NXPH1: variants seen among roughly 807,000 people sequenced by gnomAD.
NXPH1 encodes the protein neurexophilin 1, also known as neurexophilin-1.
In NXPH1, 5 loss-of-function variants were observed where a neutral mutation model predicts 23.7. The ratio of observed to expected loss-of-function variants is 0.21; its 90% CI spans 0.11 to 0.44. The LOEUF (loss-of-function observed/expected upper bound fraction) is 0.44, where lower values mean the gene tolerates loss of function less well. Ranked by LOEUF, NXPH1 falls within the 20% of genes least tolerant of loss-of-function variation. The probability of loss-of-function intolerance (pLI) is 0.99; values close to 1 mark genes in which losing one functional copy is unlikely to be tolerated. For missense variants in NXPH1, 324 were observed against 321.6 expected (o/e 1.01, Z -0.06); for synonymous variants, 144 against 122.2 (o/e 1.18, Z -1.18).
At chr7:8,478,389 T>G (rs1240439950) in intron 2 of NXPH1, among the ~76,000 whole-genome samples, 1 of 151,156 alleles carries the variant, frequency 6.6e-6, no homozygotes. Context: ...AATCAGAAAT[T>G]TAAAAAATAT....
chr7:8,613,930 T>A (rs1458857272), intron 2 of NXPH1, among the ~76,000 whole-genome samples: 1 of 151,880 alleles, frequency 6.6e-6, no homozygotes, highest in African/African-American at 2.4e-5. Flanking sequence ...TAAAATTATA[T>A]CATAAATCAT....
chr7:8,711,600 C>T (rs1340920694), intron 2 of NXPH1, among the ~76,000 whole-genome samples: 1 of 152,072 alleles, frequency 6.6e-6, no homozygotes, highest in African/African-American at 2.4e-5. Flanking sequence ...GCTCTGGGTA[C>T]TGAAGAGTAT....
At chr7:8,500,987 A>G (rs1212532337) in intron 2 of NXPH1, among the ~76,000 whole-genome samples, 1 of 152,078 alleles carries the variant, frequency 6.6e-6, no homozygotes, top group East Asian at 1.9e-4. Context: ...AGTAAATAGC[A>G]TGGAAGAGGT....
intron 2 of NXPH1, among the ~76,000 whole-genome samples, chr7:8,670,519 G>T (rs1027125499): frequency 6.6e-6 from 1 of 152,090 alleles, no homozygotes; most frequent in African/African-American, 2.4e-5. Context: ...GTAAACTCGT[G>T]CATCTTTTCT....
At chr7:8,604,268 C>T (rs148852289) in intron 2 of NXPH1, among the ~76,000 whole-genome samples, 1 of 152,138 alleles carries the variant, frequency 6.6e-6, no homozygotes, top group African/African-American at 2.4e-5. Context: ...TCTCTGCAAC[C>T]CTTTTCAATA....
At chr7:8,547,488 A>G (rs986699137) in intron 2 of NXPH1, among the ~76,000 whole-genome samples, 2 of 151,368 alleles carry the variant, frequency 1.3e-5, no homozygotes, top group African/African-American at 4.8e-5. Flanking sequence ...TTCTTTTTTA[A>G]AAATTATTTT....
intron 2 of NXPH1, among the ~76,000 whole-genome samples, chr7:8,708,013 A>G (rs1018757304): frequency 9.9e-5 from 15 of 152,216 alleles, no homozygotes; most frequent in African/African-American, 3.6e-4. Flanking sequence ...TAAATAATTT[A>G]ATATGCACTC....
chr7:8,682,334 G>T (rs151311147), intron 2 of NXPH1, among the ~76,000 whole-genome samples: 2 of 152,178 alleles, frequency 1.3e-5, no homozygotes, highest in South Asian at 4.1e-4. Flanking sequence ...GTCTTGGGAC[G>T]AGATCAGGAG....
intron 2 of NXPH1, among the ~76,000 whole-genome samples, chr7:8,451,257 G>A (rs1023818817): frequency 3.9e-5 from 6 of 152,090 alleles, no homozygotes; most frequent in Admixed American, 2.6e-4. Flanking sequence ...TTCAGAGAGC[G>A]GGTGTCTGAA....
chr7:8,713,616 A>G (rs1779830739), intron 2 of NXPH1, among the ~76,000 whole-genome samples: 1 of 152,172 alleles, frequency 6.6e-6, no homozygotes, highest in Admixed American at 6.5e-5. Flanking sequence ...CAGGTATTCA[A>G]AGAGACTTGT....
chr7:8,670,629 G>T (rs1820853947), intron 2 of NXPH1, among the ~76,000 whole-genome samples: 1 of 152,056 alleles, frequency 6.6e-6, no homozygotes, highest in Non-Finnish European at 1.5e-5. Context: ...ACTTCTATTA[G>T]CATCACCTTT....
chr7:8,616,962 A>C (rs1819756380), intron 2 of NXPH1, among the ~76,000 whole-genome samples: 2 of 152,052 alleles, frequency 1.3e-5, no homozygotes, highest in South Asian at 4.1e-4. Context: ...TTGTGCCAAG[A>C]GATGGTGCCA....
intron 2 of NXPH1, among the ~76,000 whole-genome samples, chr7:8,742,410 C>T (rs1044168755): frequency 4.0e-5 from 6 of 151,886 alleles, no homozygotes; most frequent in East Asian, 3.8e-4. Context: ...TCACACAAAA[C>T]GTATATAAAA....
At chr7:8,654,616 C>T (rs1267629318) in intron 2 of NXPH1, among the ~76,000 whole-genome samples, 1 of 152,154 alleles carries the variant, frequency 6.6e-6, no homozygotes, top group Non-Finnish European at 1.5e-5. Context: ...TAAAACATTC[C>T]ATGAGGCATG....
At chr7:8,452,552 A>C (rs900052357) in intron 2 of NXPH1, among the ~76,000 whole-genome samples, 1 of 152,110 alleles carries the variant, frequency 6.6e-6, no homozygotes, top group African/African-American at 2.4e-5. Context: ...TAGAACTGTG[A>C]ATGTATGATG....
intron 2 of NXPH1, among the ~76,000 whole-genome samples, chr7:8,465,649 T>C (rs1173494503): frequency 1.3e-5 from 2 of 152,198 alleles, no homozygotes; most frequent in African/African-American, 4.8e-5. Flanking sequence ...CAACATCCAT[T>C]CTGCTGCTGA....
chr7:8,590,004 A>C (rs1293424218), intron 2 of NXPH1, among the ~76,000 whole-genome samples: 2 of 152,096 alleles, frequency 1.3e-5, no homozygotes, highest in East Asian at 3.9e-4. Context: ...GGCATAGAAC[A>C]TTTCCCTCAT....
intron 2 of NXPH1, among the ~76,000 whole-genome samples, chr7:8,602,648 A>G (rs910775637): frequency 3.3e-5 from 5 of 152,104 alleles, no homozygotes; most frequent in Non-Finnish European, 5.9e-5. Context: ...TGTTTTCTCT[A>G]CTAGATTTCA....
At chr7:8,681,596 T>G (rs1214390702) in intron 2 of NXPH1, among the ~76,000 whole-genome samples, 1 of 152,230 alleles carries the variant, frequency 6.6e-6, no homozygotes, top group Non-Finnish European at 1.5e-5. Flanking sequence ...GGTGTGTGCA[T>G]GTAAAGGGCA....
Sources: gnomAD v4.1 joint callset for allele counts (sites outside exome capture counted in the v4.1 genomes callset) on GRCh38, gnomAD v4.1.1 for gene constraint, MANE v1.5 for transcripts, NCBI Gene and HGNC (gene_info 2026-07-23, HGNC 2026-07-21) for gene names.